The following BAZ1A variants were observed in gnomAD, a reference collection of about 807,000 sequenced individuals.
BAZ1A encodes the protein bromodomain adjacent to zinc finger domain 1A.
Under a neutral mutation model 185.2 loss-of-function variants are expected in BAZ1A, and 50 were observed. That is an observed-to-expected ratio of 0.27 (90% CI 0.22 to 0.34). BAZ1A has a LOEUF of 0.34. BAZ1A is among the 10% of genes least tolerant of loss of function. The pLI is 1.00. For missense variants in BAZ1A, 1,356 were observed against 1,839.9 expected (o/e 0.74, Z 4.81); for synonymous variants, 571 against 615.6 (o/e 0.93, Z 1.07).
At chr14:34,801,628 GC>G (rs1566570095) in intron 7 of BAZ1A, among the ~76,000 whole-genome samples, 3 of 152,146 alleles carry the variant, frequency 2.0e-5, no homozygotes, top group African/African-American at 2.4e-5. Context: ...GTATAATTGG[GC>G]CGGGCACAGT....
chr14:34,863,500 G>T (rs2042805842), intron 2 of BAZ1A, among the ~76,000 whole-genome samples: 1 of 151,490 alleles, frequency 6.6e-6, no homozygotes, highest in Non-Finnish European at 1.5e-5. Flanking sequence ...TAGAGATGGG[G>T]TTTCCTCATG....
intron 25 of BAZ1A, 33 bp downstream of exon 25, chr14:34,758,671 A>G: frequency 6.2e-7 from 1 of 1,601,314 alleles, no homozygotes; most frequent in Non-Finnish European, 8.5e-7. Flanking sequence ...CAGATAATAT[A>G]CAGGAATACA....
intron 26 of BAZ1A, among the ~76,000 whole-genome samples, chr14:34,754,000 C>A (rs1164571763): frequency 6.6e-6 from 1 of 151,784 alleles, no homozygotes; most frequent in African/African-American, 2.4e-5. Context: ...AGCCTGTAAT[C>A]CCAGCACTTT....
intron 9 of BAZ1A, among the ~76,000 whole-genome samples, chr14:34,796,587 C>T (rs1244700603): frequency 2.0e-5 from 3 of 152,178 alleles, no homozygotes; most frequent in African/African-American, 4.8e-5. Flanking sequence ...CTTACTCGGT[C>T]TTTTGAAACC....
chr14:34,758,974 A>G (rs1157412551), intron 24 of BAZ1A, 128 bp from the exon 25 acceptor site: 2 of 869,636 alleles, frequency 2.3e-6, no homozygotes, highest in African/African-American at 1.7e-5. Flanking sequence ...GATGTTAACT[A>G]TTTTCTGGGA....
At chr14:34,808,259 TGAG>T (rs2041877957) in intron 5 of BAZ1A, among the ~76,000 whole-genome samples, 1 of 151,962 alleles carries the variant, frequency 6.6e-6, no homozygotes, top group Non-Finnish European at 1.5e-5. Context: ...TTTGGGAGGC[TGAG>T]GAGGGTGGAT....
rs1881366756 is a variant in BAZ1A, at chr14:34,799,173, G to T, written c.1128+1051C>A. On this transcript the variant is annotated intron_variant, in intron 9 of 26. Coordinates refer to ENST00000360310, the MANE Select transcript of BAZ1A (RefSeq NM_013448.3). The stretch of plus-strand genomic sequence containing the variant: ...ACCGCATGTTCTCACTCATAGGTGG[G>T]ACTTGAACAATGAGAACACTTGGAC... Among the ~76,000 whole-genome samples the T allele has an allele frequency of 2.9e-5, 4 of 138,906 alleles. No individual in the cohort carries two copies. The South Asian group carries it at 9.0e-4, about 31-fold the overall frequency. 91.1% of individuals were successfully genotyped at this position (138,906 alleles called of 152,430 possible). A position where few individuals can be genotyped will look rare whatever the true frequency, so the allele number is the denominator to read the frequency against.
At chr14:34,840,986 T>C (rs572888559) in intron 3 of BAZ1A, among the ~76,000 whole-genome samples, 20 of 152,186 alleles carry the variant, frequency 1.3e-4, no homozygotes, top group African/African-American at 4.8e-4. Context: ...TTCGCTCTTG[T>C]TGTCCAGGAC....
At chr14:34,822,910 C>G (rs2138706592) in intron 4 of BAZ1A, among the ~76,000 whole-genome samples, 1 of 152,032 alleles carries the variant, frequency 6.6e-6, no homozygotes, top group East Asian at 1.9e-4. Context: ...AACAAATTAG[C>G]CACAAAATAT....
intron 26 of BAZ1A, among the ~76,000 whole-genome samples, chr14:34,754,411 G>A (rs1411000491): frequency 6.8e-5 from 5 of 73,228 alleles, no homozygotes; most frequent in East Asian, 3.4e-4. Context: ...AGAGTGAGAC[G>A]TATCTCAAAA....
chr14:34,844,537 G>C (rs2042471700), intron 3 of BAZ1A, among the ~76,000 whole-genome samples: 1 of 151,948 alleles, frequency 6.6e-6, no homozygotes, highest in South Asian at 2.1e-4. Context: ...AGCACTTTGG[G>C]AGGCTGAGAC....
intron 4 of BAZ1A, among the ~76,000 whole-genome samples, chr14:34,823,201 A>G (rs1391480521): frequency 2.0e-5 from 3 of 152,086 alleles, no homozygotes; most frequent in Admixed American, 1.3e-4. Flanking sequence ...TAAAAAATAT[A>G]AAACCTAGCT....
At chr14:34,834,812 G>A (rs529185433) in intron 3 of BAZ1A, among the ~76,000 whole-genome samples, 1 of 152,230 alleles carries the variant, frequency 6.6e-6, no homozygotes, top group African/African-American at 2.4e-5. Flanking sequence ...TTACAGGGGT[G>A]TATGTAAAAA....
intron 3 of BAZ1A, among the ~76,000 whole-genome samples, chr14:34,836,412 A>C (rs1015469292): frequency 1.6e-4 from 4 of 25,196 alleles, no homozygotes; most frequent in African/African-American, 4.3e-4. Context: ...AAAAAAAAAA[A>C]AAAAAAACTT....
chr14:34,867,310 T>C (rs555976199), intron 2 of BAZ1A, among the ~76,000 whole-genome samples: 5 of 152,258 alleles, frequency 3.3e-5, no homozygotes, highest in Admixed American at 6.5e-5. Context: ...TTTATGTCTA[T>C]CTTAATTCGG....
chr14:34,871,675 C>A (rs755895611), intron 2 of BAZ1A, among the ~76,000 whole-genome samples: 14 of 152,222 alleles, frequency 9.2e-5, no homozygotes, highest in Non-Finnish European at 1.9e-4. Flanking sequence ...GAGATCCAGA[C>A]CATTCTGGCC....
At chr14:34,861,468 T>C (rs1188404084) in intron 3 of BAZ1A, among the ~76,000 whole-genome samples, 1 of 152,102 alleles carries the variant, frequency 6.6e-6, no homozygotes, top group African/African-American at 2.4e-5. Flanking sequence ...AATAAAGCAA[T>C]GTGAGAAAGT....
chr14:34,819,988 ATTG>A (rs1202544396), intron 4 of BAZ1A, among the ~76,000 whole-genome samples: 1 of 80,264 alleles, frequency 1.2e-5, no homozygotes, highest in Non-Finnish European at 2.5e-5. Flanking sequence ...GTCATATCTC[ATTG>A]TTGTTTTAAT....
At chr14:34,792,745 G>A (rs1335767024) in intron 12 of BAZ1A, 30 bp downstream of exon 12, 13 of 1,607,698 alleles carry the variant, frequency 8.1e-6, no homozygotes, top group Non-Finnish European at 1.1e-5. Flanking sequence ...AACTACTATG[G>A]TTCAATCAGC....
Sources: gnomAD v4.1 joint callset for allele counts (sites outside exome capture counted in the v4.1 genomes callset) on GRCh38, gnomAD v4.1.1 for gene constraint, MANE v1.5 for transcripts, NCBI Gene and HGNC (gene_info 2026-07-23, HGNC 2026-07-21) for gene names.